Variants in MZT2A observed in about 807,000 individuals in gnomAD.
The protein encoded by MZT2A is mitotic spindle organizing protein 2A.
A neutral mutation model predicts 12.4 loss-of-function variants in MZT2A; 8 were observed. The observed-to-expected ratio is 0.64, with a 90% CI of 0.38 to 1.16. The LOEUF is 1.16. Ranked by LOEUF, MZT2A falls within the 50% of genes most tolerant of loss-of-function variation. The pLI, the probability that MZT2A is intolerant of heterozygous loss-of-function variation, is 0.01. For synonymous variants in MZT2A, 88 were observed against 107.5 expected, an observed-to-expected ratio of 0.82 and a Z score of 1.12; for missense variants, 181 against 223.6, an observed-to-expected ratio of 0.81 and a Z score of 1.22.
At chr2:131,493,293 C>G (rs912903828), upstream of MZT2A, among the ~76,000 whole-genome samples, 19 of 152,196 alleles carry the variant, frequency 1.2e-4, no homozygotes, top group African/African-American at 4.6e-4. Context: ...GTGGAGGGCC[C>G]CGGCTGAGTC....
chr2:131,493,040 C>T, upstream of MZT2A: 9 of 1,484,894 alleles, frequency 6.1e-6, no homozygotes, highest in Non-Finnish European at 8.1e-6. Flanking sequence ...CCCGCCCGGC[C>T]GCGGGGCGTG....
At chr2:131,473,920 G>T (rs1678551965) in intron 2 of MZT2A, among the ~76,000 whole-genome samples, 1 of 144,716 alleles carries the variant, frequency 6.9e-6, no homozygotes, top group Non-Finnish European at 1.5e-5. Context: ...GTTATGCGAG[G>T]TGTGCAGAAT....
At chr2:131,485,794 G>A (rs1392615165) in intron 2 of MZT2A, among the ~76,000 whole-genome samples, 6 of 151,950 alleles carry the variant, frequency 3.9e-5, no homozygotes, top group Admixed American at 1.3e-4. Flanking sequence ...AGATGCAACC[G>A]GGTGTCTAGG....
chr2:131,490,708 G>C (rs201016611), intron 2 of MZT2A: 4 of 1,549,676 alleles, frequency 2.6e-6, no homozygotes, highest in Non-Finnish European at 3.5e-6. Context: ...GCCAATAAAC[G>C]CAACCTGCAA....
intron 2 of MZT2A, chr2:131,491,566 C>T (rs2313964): frequency 2.3e-5 from 12 of 518,136 alleles, no homozygotes; most frequent in African/African-American, 1.2e-4. Context: ...AGCCCCAAAC[C>T]GTCTTGATTC....
intron 2 of MZT2A, among the ~76,000 whole-genome samples, chr2:131,476,527 G>A (rs1224618987): frequency 6.6e-6 from 1 of 152,314 alleles, no homozygotes; most frequent in South Asian, 2.1e-4. Context: ...TGTGCTACTC[G>A]AAACAACTGA....
chr2:131,490,267 T>G, intron 2 of MZT2A: 1 of 960,586 alleles, frequency 1.0e-6, no homozygotes, highest in South Asian at 3.6e-5. Context: ...GCACATGGCA[T>G]CTGTGTGGCA....
chr2:131,482,526 A>G (rs1341009771), downstream of MZT2A: 2 of 1,585,794 alleles, frequency 1.3e-6, no homozygotes, highest in Non-Finnish European at 1.7e-6. Flanking sequence ...AGCTTCATGG[A>G]CTGCTTTCTT....
chr2:131,478,091 G>T, intron 2 of MZT2A: 1 of 1,550,488 alleles, frequency 6.4e-7, no homozygotes, highest in East Asian at 2.3e-5. Context: ...TATTAAATTA[G>T]AATATTTTGC....
chr2:131,485,095 G>T (rs566829949), intron 2 of MZT2A, among the ~76,000 whole-genome samples: 2 of 152,298 alleles, frequency 1.3e-5, no homozygotes, highest in South Asian at 4.1e-4. Context: ...TGGGGTCACA[G>T]CCCCCCATGC....
intron 4 of MZT2A, chr2:131,470,038 A>C (rs866049699): frequency 0.025 from 8,230 of 333,988 alleles, 166 homozygotes; most frequent in African/African-American, 0.079. Flanking sequence ...TCCTGACCTC[A>C]GGCCATCCAC....
At chr2:131,479,162 A>G, downstream of MZT2A, 4 of 1,348,372 alleles carry the variant, frequency 3.0e-6, no homozygotes, top group South Asian at 6.9e-5. Flanking sequence ...GACATTTTCT[A>G]CCAGACACTG....
intron 2 of MZT2A, chr2:131,476,038 C>T: frequency 2.2e-6 from 3 of 1,380,390 alleles, no homozygotes; most frequent in Non-Finnish European, 3.0e-6. Flanking sequence ...GGGATCCGGC[C>T]CTCAGCCCGC....
intron 3 of MZT2A, chr2:131,470,414 C>T (rs1704957032): frequency 3.2e-6 from 4 of 1,241,998 alleles, no homozygotes; most frequent in Middle Eastern, 4.4e-4. Flanking sequence ...TTAGTTTACA[C>T]TATATTAAAG....
chr2:131,476,339 G>A (rs1678665982), intron 2 of MZT2A: 8 of 1,469,356 alleles, frequency 5.4e-6, no homozygotes, highest in South Asian at 1.3e-5. Flanking sequence ...CGGGACAGGA[G>A]GACACGGGAT....
chr2:131,488,861 C>G (rs551723775), intron 2 of MZT2A, among the ~76,000 whole-genome samples: 1 of 152,140 alleles, frequency 6.6e-6, no homozygotes, highest in African/African-American at 2.4e-5. Flanking sequence ...CCTGAGGGGC[C>G]CAGCACTCCA....
chr2:131,475,137 AT>A (rs70994778), intron 2 of MZT2A, among the ~76,000 whole-genome samples: 25,743 of 149,968 alleles, frequency 0.17, 4,015 homozygotes, highest in African/African-American at 0.42. Flanking sequence ...ATTTTATTTT[AT>A]TTTTTTGTAT....
downstream of MZT2A, chr2:131,479,253 C>T: frequency 6.3e-7 from 1 of 1,585,518 alleles, no homozygotes; most frequent in Non-Finnish European, 8.6e-7. Context: ...GGAATGTGTC[C>T]ATCTTGGTGA....
intron 2 of MZT2A, among the ~76,000 whole-genome samples, chr2:131,485,060 C>A (rs945203963): frequency 6.6e-6 from 1 of 152,198 alleles, no homozygotes; most frequent in Non-Finnish European, 1.5e-5. Context: ...AAGGTACAAA[C>A]GTGCCCGGGT....
Sources: gnomAD v4.1 joint callset for allele counts (sites outside exome capture counted in the v4.1 genomes callset) on GRCh38, gnomAD v4.1.1 for gene constraint, MANE v1.5 for transcripts, NCBI Gene and HGNC (gene_info 2026-07-23, HGNC 2026-07-21) for gene names.